LRP4: variants seen among roughly 807,000 people sequenced by gnomAD.
LRP4 encodes LDL receptor related protein 4.
A neutral mutation model predicts 220.3 loss-of-function variants in LRP4; 95 were observed. The observed-to-expected ratio is 0.43, with a 90% CI of 0.37 to 0.51. The LOEUF (loss-of-function observed/expected upper bound fraction) is 0.51, where lower values mean the gene tolerates loss of function less well. Ranked by LOEUF, LRP4 falls within the 20% of genes least tolerant of loss-of-function variation. The pLI, the probability that LRP4 is intolerant of heterozygous loss-of-function variation, is 0.00. For synonymous variants in LRP4, 903 were observed against 954.6 expected (o/e 0.95, Z 1.00); for missense variants, 1,925 against 2,567.0 (o/e 0.75, Z 5.40).
chr11:46,872,302 G>A (rs1018148489), intron 30 of LRP4, among the ~76,000 whole-genome samples: 2 of 152,110 alleles, frequency 1.3e-5, no homozygotes, highest in Non-Finnish European at 2.9e-5. Flanking sequence ...CATGGACCTT[G>A]CTGAGGTTAA....
intron 20 of LRP4, among the ~76,000 whole-genome samples, chr11:46,880,856 G>A (rs895652126): frequency 1.3e-5 from 2 of 151,612 alleles, no homozygotes; most frequent in Non-Finnish European, 2.9e-5. Context: ...CAGAAGGATC[G>A]TTTGAGGCCA....
At chr11:46,913,109 T>C (rs1268636376) in intron 1 of LRP4, among the ~76,000 whole-genome samples, 3 of 152,154 alleles carry the variant, frequency 2.0e-5, no homozygotes, top group African/African-American at 7.2e-5. Context: ...GGGAGTCCTA[T>C]TCCGCATGGG....
chr11:46,886,627 C>T, intron 16 of LRP4, 94 bp from the exon 17 acceptor site: 1 of 1,070,802 alleles, frequency 9.3e-7, no homozygotes, highest in South Asian at 1.3e-5. Flanking sequence ...CTGGTTCAAT[C>T]ACACTTCCTG....
chr11:46,888,210 T>C (rs1443002706), intron 16 of LRP4, among the ~76,000 whole-genome samples: 1 of 147,998 alleles, frequency 6.8e-6, no homozygotes, highest in Non-Finnish European at 1.5e-5. Flanking sequence ...TAATCCCCGC[T>C]ACTCAGGAGG....
At chr11:46,861,277 G>A (rs1038606252) in intron 37 of LRP4, among the ~76,000 whole-genome samples, 3 of 151,788 alleles carry the variant, frequency 2.0e-5, no homozygotes, top group African/African-American at 4.8e-5. Context: ...ATTTAAATAC[G>A]GGAATTCATG....
chr11:46,883,599 G>A (rs1267190039), intron 19 of LRP4, among the ~76,000 whole-genome samples: 1 of 152,154 alleles, frequency 6.6e-6, no homozygotes, highest in African/African-American at 2.4e-5. Flanking sequence ...CTCTGTTGGG[G>A]GCTCTCAGTT....
chr11:46,862,833 G>T, intron 36 of LRP4, 86 bp from the exon 37 acceptor site: 2 of 1,224,044 alleles, frequency 1.6e-6, no homozygotes, highest in Non-Finnish European at 2.4e-6. Context: ...CTGGTAGGCA[G>T]CCTCTAAGAT....
rs1164240481 is a variant in LRP4 at position 46,895,955 on chromosome 11, A to G, written c.1112T>C (p.Met371Thr). 1.9e-6 allele frequency: 3 copies of G among 1,614,024 alleles called. No individual in the cohort carries two copies. In the Admixed American group the frequency reaches 5.0e-5, roughly 27 times the overall value. Residue 371 changes from methionine (M) to threonine (T), a missense_variant, in exon 10 of 38, where the codon ATG (methionine) becomes ACG (threonine). Met to Thr is a moderately conservative substitution (Grantham distance 81). Transcript: ENST00000378623. ...NNGGCAQKCQ[M>T]VRGAVQCTCH... ...GGTACACTGCACTGCCCCCCGCACCATCTGGCACTTCTGGGCACAGCCACC... is the reference window on the plus strand; with the variant it reads ...GGTACACTGCACTGCCCCCCGCACCGTCTGGCACTTCTGGGCACAGCCACC...
chr11:46,876,848 G>A lies in LRP4; in HGVS notation c.3278-18C>T, dbSNP rs1337172352. 6.3e-7 allele frequency: 1 copy of A among 1,598,644 alleles called. No homozygotes were observed. Among genetic ancestry groups the A allele is most frequent in the Non-Finnish European group, 8.6e-7 (1 of 1,166,668 alleles). On this transcript the variant is annotated intron_variant, in intron 23 of 37. Transcript: ENST00000378623. ...CACCTTTCCTGGAGAGGGAAAGCTT[G>A]GCTCAACCTAGACCCTCACCGCCTA...
At chr11:46,880,218 C>T (rs1443821289) in intron 20 of LRP4, among the ~76,000 whole-genome samples, 1 of 149,656 alleles carries the variant, frequency 6.7e-6, no homozygotes, top group African/African-American at 2.5e-5. Flanking sequence ...CGGTGGCGCA[C>T]AGCTCCAGCT....
At position 46,898,561 on chromosome 11, in the gene LRP4, AGTTGCGCTCATCAGACTG is replaced by A; in HGVS notation, c.775_792del (p.Gln259_Asn264del). 1 of 1,614,124 alleles carries A rather than the reference AGTTGCGCTCATCAGACTG, an allele frequency of 6.2e-7. No homozygotes were observed. The highest frequency in any genetic ancestry group is 8.5e-7 in the Non-Finnish European group (1 of 1,180,002). On this transcript the variant is annotated inframe_deletion, in exon 7 of 38. Coordinates refer to ENST00000378623, the MANE Select transcript of LRP4 (RefSeq NM_002334.4). ...CTAATTCCATTTCCCCACTCACTGC[AGTTGCGCTCATCAGACTG>A]GTCATCACAGTCCGCGTCACCATCG...
At chr11:46,907,333 T>C (rs1941778831) in intron 1 of LRP4, among the ~76,000 whole-genome samples, 1 of 152,352 alleles carries the variant, frequency 6.6e-6, no homozygotes, top group Admixed American at 6.5e-5. Context: ...TTGGGATATA[T>C]GTTAATGTGC....
At chr11:46,879,450 T>A in intron 20 of LRP4, 135 bp from the exon 21 acceptor site, 5 of 816,034 alleles carry the variant, frequency 6.1e-6, no homozygotes, top group South Asian at 6.0e-5. Flanking sequence ...GAGCTACTTA[T>A]AAAATCTCTC....
At chr11:46,888,645 T>C (rs768582170) in intron 16 of LRP4, among the ~76,000 whole-genome samples, 5 of 149,904 alleles carry the variant, frequency 3.3e-5, no homozygotes, top group Non-Finnish European at 7.4e-5. Flanking sequence ...AACTTTTGAA[T>C]GTTTTCCCTA....
chr11:46,899,868 T>C lies in LRP4; in HGVS notation c.425A>G (p.Gln142Arg), dbSNP rs1222707563. Residue 142 changes from glutamine (Q) to arginine (R), a missense_variant, in exon 4 of 38, where the codon CAG (glutamine) becomes CGG (arginine). Gln to Arg is a conservative substitution (Grantham distance 43, BLOSUM62 1). Transcript: ENST00000378623. The surrounding 1 kb of genome is among the most constrained non-coding windows in gnomAD (Gnocchi z 5.9). ...DNDCGDNSDE[Q>R]CDMRKCSDKE... The stretch of plus-strand genomic sequence containing the variant: ...CCCCCGTTGGGGTCACCCACCACAC[T>C]GCTCATCGCTGTTGTCGCCACAGTC... 6.2e-7 allele frequency: 1 copy of C among 1,613,796 alleles called. No homozygotes were observed. Among genetic ancestry groups the C allele is most frequent in the East Asian group, 2.2e-5 (1 of 44,888 alleles).
Position 46,899,623 on chromosome 11 carries a change from C to G in LRP4, c.431-120G>C. ...GTCTGACCTAGCCCCCGAAAGGCAC[C>G]CCAGAGTCAGTGCAGACTCTCCAGG... On this transcript the variant is annotated intron_variant, in intron 4 of 37. Coordinates refer to ENST00000378623, the MANE Select transcript of LRP4 (RefSeq NM_002334.4). This position sits in a 1 kb window ranked among gnomAD's most constrained non-coding sequence, Gnocchi z 5.9. 2 of 810,346 alleles carry G rather than the reference C, an allele frequency of 2.5e-6. No homozygotes were observed. The highest frequency in any genetic ancestry group is 4.3e-6 in the Non-Finnish European group (2 of 467,760). 50.2% of individuals were successfully genotyped at this position (810,346 alleles called of 1,614,324 possible).
chr11:46,882,118 C>T (rs915718590), intron 19 of LRP4, among the ~76,000 whole-genome samples: 3 of 152,046 alleles, frequency 2.0e-5, no homozygotes, highest in Admixed American at 1.3e-4. Flanking sequence ...AAAAGCAGAG[C>T]CCACAGCTTA....
At chr11:46,877,084 A>G (rs1049978842) in intron 23 of LRP4, 115 bp downstream of exon 23, 22 of 1,213,260 alleles carry the variant, frequency 1.8e-5, no homozygotes, top group Admixed American at 3.4e-5. Context: ...GCCAGAGGGA[A>G]TGGGGAACAA....
chr11:46,858,873 GGA>G lies in LRP4; in HGVS notation c.*108_*109del, dbSNP rs1565771361. ...GCTTAGGAACAGTTATGGGGTGGGA[GGA>G]GGAGGAGGACAAGCACACAGAAGCG... On this transcript the variant is annotated 3_prime_UTR_variant, in exon 38 of 38. Coordinates refer to ENST00000378623, the MANE Select transcript of LRP4 (RefSeq NM_002334.4). 2.4e-5 allele frequency: 25 copies of G among 1,021,720 alleles called. No individual in the cohort carries two copies. Among genetic ancestry groups the G allele is most frequent in the South Asian group, 3.9e-5 (3 of 77,586 alleles). The allele number at this position is 1,021,720 out of a possible 1,614,324, so 63.3% of individuals were successfully genotyped here. A position where few individuals can be genotyped will look rare whatever the true frequency, so the allele number is the denominator to read the frequency against.
Sources: gnomAD v4.1 joint callset for allele counts (sites outside exome capture counted in the v4.1 genomes callset) on GRCh38, gnomAD v4.1.1 for gene constraint, Gnocchi (gnomAD v3.1) non-coding constraint, MANE v1.5 for transcripts, NCBI Gene and HGNC (gene_info 2026-07-23, HGNC 2026-07-21) for gene names.